Variants in SLC9A9 observed in about 807,000 individuals in gnomAD.
The protein encoded by SLC9A9 is sodium/hydrogen exchanger 9.
A neutral mutation model predicts 77.8 loss-of-function variants in SLC9A9; 62 were observed. The ratio of observed to expected loss-of-function variants is 0.80; its 90% CI spans 0.65 to 0.98. The LOEUF (loss-of-function observed/expected upper bound fraction) is 0.98, where lower values mean the gene tolerates loss of function less well. Ranked by LOEUF, SLC9A9 falls within the 50% of genes least tolerant of loss-of-function variation. SLC9A9 has a pLI of 0.00. For synonymous variants in SLC9A9, 320 were observed against 283.5 expected (o/e 1.13, Z -1.29); for missense variants, 775 against 774.9 (o/e 1.00, Z 0.00).
chr3:143,640,310 C>T (rs1004029051), intron 6 of SLC9A9, among the ~76,000 whole-genome samples: 6 of 152,062 alleles, frequency 3.9e-5, no homozygotes, highest in South Asian at 4.2e-4. Context: ...CGTGAGCCAC[C>T]GTGCGCAACC....
At chr3:143,774,286 G>T (rs186419184) in intron 4 of SLC9A9, among the ~76,000 whole-genome samples, 1 of 152,190 alleles carries the variant, frequency 6.6e-6, no homozygotes, top group Admixed American at 6.5e-5. Flanking sequence ...GTGTGGGAGC[G>T]CCTTTACTGG....
chr3:143,743,809 G>A (rs1389762714), intron 4 of SLC9A9, among the ~76,000 whole-genome samples: 1 of 152,198 alleles, frequency 6.6e-6, no homozygotes, highest in Non-Finnish European at 1.5e-5. Context: ...TGATTGCTAT[G>A]TGCTAGTTGT....
chr3:143,673,302 G>A (rs2039188331), intron 5 of SLC9A9, among the ~76,000 whole-genome samples: 3 of 152,178 alleles, frequency 2.0e-5, no homozygotes, highest in African/African-American at 7.2e-5. Context: ...TAGGAGCCCT[G>A]CAGGATGAGA....
At chr3:143,724,710 T>A (rs1560049996) in intron 4 of SLC9A9, among the ~76,000 whole-genome samples, 1 of 152,258 alleles carries the variant, frequency 6.6e-6, no homozygotes. Context: ...TTGCTTCTGA[T>A]GAGAAGAGTC....
At chr3:143,667,086 G>A (rs995360115) in intron 5 of SLC9A9, among the ~76,000 whole-genome samples, 3 of 151,912 alleles carry the variant, frequency 2.0e-5, no homozygotes, top group Non-Finnish European at 2.9e-5. Flanking sequence ...AAACTATACT[G>A]CAAGGCTACA....
At chr3:143,765,541 C>T (rs774323134) in intron 4 of SLC9A9, among the ~76,000 whole-genome samples, 1 of 152,076 alleles carries the variant, frequency 6.6e-6, no homozygotes, top group Non-Finnish European at 1.5e-5. Flanking sequence ...AATTTATATA[C>T]TAGTTGTTCT....
At chr3:143,401,405 C>T (rs147744170) in intron 12 of SLC9A9, among the ~76,000 whole-genome samples, 26 of 152,264 alleles carry the variant, frequency 1.7e-4, no homozygotes, top group South Asian at 1.7e-3. Context: ...ATAATAGTTC[C>T]TTGCTAAGTT....
intron 4 of SLC9A9, among the ~76,000 whole-genome samples, chr3:143,762,828 C>T (rs1336073194): frequency 6.6e-6 from 1 of 152,072 alleles, no homozygotes; most frequent in African/African-American, 2.4e-5. Flanking sequence ...CCCTTTACAT[C>T]CTACCCCTTT....
intron 4 of SLC9A9, among the ~76,000 whole-genome samples, chr3:143,716,325 C>T (rs765777221): frequency 6.6e-6 from 1 of 152,114 alleles, no homozygotes; most frequent in Non-Finnish European, 1.5e-5. Context: ...TCTCCCACCT[C>T]AGCCTCCCAA....
chr3:143,693,261 G>C lies in SLC9A9; in HGVS notation c.580C>G (p.Leu194Val). 2.5e-6 allele frequency: 4 copies of C among 1,613,320 alleles called. No homozygotes were observed. The highest frequency in any genetic ancestry group is 1.7e-5 in the Admixed American group (1 of 59,872). ...FVKAMIHAGQ[L>V]KNGDFHFTDC... ...GTGAAATGAAAGTCTCCATTTTTCA[G>C]CTGGCCAGCATGTATCATAGCCTTC... The change falls in exon 5 of 16, where the codon CTG becomes GTG. Residue 194 changes from leucine to valine, a missense_variant. Transcript: ENST00000316549.
chr3:143,409,504 A>G (rs2034051260), intron 12 of SLC9A9, among the ~76,000 whole-genome samples: 1 of 152,230 alleles, frequency 6.6e-6, no homozygotes, highest in Non-Finnish European at 1.5e-5. Flanking sequence ...TTTCCATTTC[A>G]TTCCGCTTAA....
chr3:143,703,210 A>G (rs1933856598), intron 4 of SLC9A9, among the ~76,000 whole-genome samples: 1 of 152,150 alleles, frequency 6.6e-6, no homozygotes, highest in Admixed American at 6.5e-5. Flanking sequence ...TCTACACTAT[A>G]GACCAAATGC....
chr3:143,533,210 G>A (rs78670442), intron 9 of SLC9A9, among the ~76,000 whole-genome samples: 16,662 of 152,250 alleles, frequency 0.11, 1,131 homozygotes, highest in East Asian at 0.14. Flanking sequence ...CCCTGCTCTC[G>A]TGGGGCTGAC....
intron 5 of SLC9A9, among the ~76,000 whole-genome samples, chr3:143,656,944 G>A (rs1484284826): frequency 2.0e-5 from 3 of 152,174 alleles, no homozygotes; most frequent in African/African-American, 7.2e-5. Flanking sequence ...TTCTAAGAAG[G>A]AGGATGGAGG....
At position 143,382,231 on chromosome 3, in the gene SLC9A9, A is replaced by C; in HGVS notation, c.1470-117T>G. On this transcript the variant is annotated intron_variant, in intron 12 of 15. Coordinates refer to ENST00000316549, the MANE Select transcript of SLC9A9 (RefSeq NM_173653.4). ...GAATCTGAGAAAAGATTTGGCAGAA[A>C]ACTATCCTACGTCTTCTTGAATCAA... The C allele has an allele frequency of 2.8e-6, 3 of 1,077,356 alleles. No homozygotes were observed. In the Admixed American group the frequency reaches 5.1e-5, roughly 18 times the overall value. 66.7% of individuals were successfully genotyped at this position (1,077,356 alleles called of 1,614,324 possible).
At chr3:143,703,220 C>T (rs754716908) in intron 4 of SLC9A9, among the ~76,000 whole-genome samples, 42 of 152,020 alleles carry the variant, frequency 2.8e-4, no homozygotes, top group Non-Finnish European at 4.3e-4. Flanking sequence ...AGACCAAATG[C>T]ACCTAATAGA....
chr3:143,436,556 G>A (rs2034626110), intron 12 of SLC9A9, among the ~76,000 whole-genome samples: 1 of 152,194 alleles, frequency 6.6e-6, no homozygotes, highest in African/African-American at 2.4e-5. Flanking sequence ...TCAGATCAGA[G>A]GCAAAGTCTT....
chr3:143,347,101 G>C (rs923793155), intron 14 of SLC9A9: 4 of 152,162 alleles, frequency 2.6e-5, no homozygotes, highest in African/African-American at 7.2e-5. Flanking sequence ...CCTGGTAGGA[G>C]ACATACACTG....
At position 143,576,084 on chromosome 3, in the gene SLC9A9, C is replaced by G. The variant is rs148663937; in HGVS notation, c.895-1891G>C. 1.4e-4 allele frequency among the ~76,000 whole-genome samples: 22 copies of G among 152,344 alleles called. No homozygotes were observed. In the East Asian group the frequency reaches 4.2e-3, roughly 29 times the overall value. On this transcript the variant is annotated intron_variant, in intron 7 of 15. Transcript: ENST00000316549. ...CCTGTTCACATATGTTACACCTTCC[C>G]CTCACATCAGGTAGAGAAGAATTCT...
Sources: gnomAD v4.1 joint callset for allele counts (sites outside exome capture counted in the v4.1 genomes callset) on GRCh38, gnomAD v4.1.1 for gene constraint, MANE v1.5 for transcripts, NCBI Gene and HGNC (gene_info 2026-07-23, HGNC 2026-07-21) for gene names.